MALRD1: variants seen among roughly 807,000 people sequenced by gnomAD.
The protein encoded by MALRD1 is MAM and LDL-receptor class A domain-containing protein 1.
A neutral mutation model predicts 242.1 loss-of-function variants in MALRD1; 247 were observed. That is an observed-to-expected ratio of 1.02 (90% confidence interval 0.92 to 1.13). The LOEUF (loss-of-function observed/expected upper bound fraction) is 1.13, where lower values mean the gene tolerates loss of function less well. Ranked by LOEUF, MALRD1 falls within the 50% of genes most tolerant of loss-of-function variation. MALRD1 has a pLI of 0.00. For missense variants in MALRD1, 2,989 were observed against 2,533.1 expected (o/e 1.18, Z -3.86); for synonymous variants, 995 against 866.6 (o/e 1.15, Z -2.60).
intron 35 of MALRD1, among the ~76,000 whole-genome samples, chr10:19,615,093 T>A (rs1407668819): frequency 6.6e-6 from 1 of 152,092 alleles, no homozygotes; most frequent in African/African-American, 2.4e-5. Flanking sequence ...GGATATTGAA[T>A]GTTCTCAACA....
At chr10:19,241,954 A>T (rs1251680966) in intron 18 of MALRD1, among the ~76,000 whole-genome samples, 5 of 152,282 alleles carry the variant, frequency 3.3e-5, no homozygotes, top group Admixed American at 6.5e-5. Flanking sequence ...AAGTTTGTTA[A>T]GACTTATTAT....
chr10:19,195,691 T>G (rs1244812004), intron 14 of MALRD1, among the ~76,000 whole-genome samples: 1 of 152,150 alleles, frequency 6.6e-6, no homozygotes, highest in African/African-American at 2.4e-5. Flanking sequence ...AACTCCACCC[T>G]TTTCCTTATA....
At chr10:19,470,897 C>A (rs1318265566) in intron 29 of MALRD1, among the ~76,000 whole-genome samples, 2 of 151,716 alleles carry the variant, frequency 1.3e-5, no homozygotes, top group Non-Finnish European at 2.9e-5. Flanking sequence ...GCTGCCTTTT[C>A]ACTGTGTTGA....
chr10:19,303,065 C>T (rs529063488), intron 21 of MALRD1, among the ~76,000 whole-genome samples: 252 of 151,148 alleles, frequency 1.7e-3, no homozygotes, highest in South Asian at 4.4e-3. Flanking sequence ...GGGCTAAATA[C>T]GCAATTGAAA....
chr10:19,569,446 C>T (rs1836408171), intron 33 of MALRD1, among the ~76,000 whole-genome samples: 1 of 151,578 alleles, frequency 6.6e-6, no homozygotes, highest in Non-Finnish European at 1.5e-5. Flanking sequence ...CACCTGTCTC[C>T]AAACTCTTTT....
At chr10:19,284,551 T>A (rs1408901010) in intron 21 of MALRD1, among the ~76,000 whole-genome samples, 2 of 151,430 alleles carry the variant, frequency 1.3e-5, no homozygotes, top group African/African-American at 4.9e-5. Context: ...GGTTTCCAGT[T>A]TCATCCATGT....
At chr10:19,442,690 G>A (rs1314202126) in intron 28 of MALRD1, among the ~76,000 whole-genome samples, 1 of 152,142 alleles carries the variant, frequency 6.6e-6, no homozygotes, top group Non-Finnish European at 1.5e-5. Flanking sequence ...TGGTGGATAA[G>A]CTTTTTGATG....
At chr10:19,464,764 A>T (rs1335408564) in intron 29 of MALRD1, among the ~76,000 whole-genome samples, 1 of 152,096 alleles carries the variant, frequency 6.6e-6, no homozygotes, top group Non-Finnish European at 1.5e-5. Context: ...TGGTATTTTC[A>T]TGGGAACTAC....
At chr10:19,289,259 A>T (rs1841291393) in intron 21 of MALRD1, among the ~76,000 whole-genome samples, 2 of 152,106 alleles carry the variant, frequency 1.3e-5, no homozygotes, top group Admixed American at 1.3e-4. Flanking sequence ...CAAAAGCAAT[A>T]ATTTGTATTT....
intron 21 of MALRD1, among the ~76,000 whole-genome samples, chr10:19,283,525 C>A (rs2131889906): frequency 6.6e-6 from 1 of 152,214 alleles, no homozygotes; most frequent in Admixed American, 6.5e-5. Context: ...TCCATCTCTT[C>A]CACCACCTCC....
intron 36 of MALRD1, among the ~76,000 whole-genome samples, chr10:19,652,938 C>G (rs901589528): frequency 6.6e-6 from 1 of 152,190 alleles, no homozygotes; most frequent in Non-Finnish European, 1.5e-5. Flanking sequence ...AAGTGCCAGA[C>G]ATTCATTTAG....
At chr10:19,638,857 T>C (rs1328100305) in intron 36 of MALRD1, among the ~76,000 whole-genome samples, 1 of 152,206 alleles carries the variant, frequency 6.6e-6, no homozygotes, top group East Asian at 1.9e-4. Context: ...CAGTTTAACT[T>C]CCTTTTTGTC....
chr10:19,345,103 C>T (rs715696), intron 24 of MALRD1, among the ~76,000 whole-genome samples: 94,569 of 151,912 alleles, frequency 0.62, 29,659 homozygotes, highest in African/African-American at 0.68. Context: ...ATCACAGTGA[C>T]GTGAAATTCA....
intron 28 of MALRD1, among the ~76,000 whole-genome samples, chr10:19,408,124 G>T (rs1346384007): frequency 6.6e-6 from 1 of 152,082 alleles, no homozygotes; most frequent in African/African-American, 2.4e-5. Context: ...GATTTATATA[G>T]ATGGGAAGGA....
intron 28 of MALRD1, among the ~76,000 whole-genome samples, chr10:19,423,420 A>G (rs1453810854): frequency 2.0e-5 from 3 of 152,024 alleles, no homozygotes; most frequent in Non-Finnish European, 4.4e-5. Flanking sequence ...ATATTAAATG[A>G]TAGGTAGATT....
chr10:19,424,603 G>T (rs768330116), intron 28 of MALRD1, among the ~76,000 whole-genome samples: 4 of 152,158 alleles, frequency 2.6e-5, no homozygotes, highest in Non-Finnish European at 4.4e-5. Context: ...CAGAACTAAA[G>T]TAATTTTCAG....
At chr10:19,183,584 T>C (rs528445375) in intron 14 of MALRD1, among the ~76,000 whole-genome samples, 1 of 152,282 alleles carries the variant, frequency 6.6e-6, no homozygotes, top group Admixed American at 6.5e-5. Flanking sequence ...TTTAACACAA[T>C]TTACTTTCTT....
intron 33 of MALRD1, among the ~76,000 whole-genome samples, chr10:19,571,040 T>C (rs1836509592): frequency 6.6e-6 from 1 of 152,106 alleles, no homozygotes; most frequent in African/African-American, 2.4e-5. Flanking sequence ...CATAGATGGA[T>C]TTATTTCTAT....
chr10:19,109,048 TTAGG>T (rs553061265), intron 5 of MALRD1, among the ~76,000 whole-genome samples: 120 of 152,258 alleles, frequency 7.9e-4, no homozygotes, highest in African/African-American at 2.5e-3. Context: ...AGAGTATTGG[TTAGG>T]TAGGGTACAC....
Sources: gnomAD v4.1 joint callset for allele counts (sites outside exome capture counted in the v4.1 genomes callset) on GRCh38, gnomAD v4.1.1 for gene constraint, MANE v1.5 for transcripts, NCBI Gene and HGNC (gene_info 2026-07-23, HGNC 2026-07-21) for gene names.